PCDHGA5: variants seen among roughly 807,000 people sequenced by gnomAD.
PCDHGA5 encodes protocadherin gamma subfamily A, 5, also known as protocadherin gamma-A5.
Under a neutral mutation model 56.7 loss-of-function variants are expected in PCDHGA5, and 36 were observed. The ratio of observed to expected loss-of-function variants is 0.64; its 90% CI spans 0.49 to 0.84. The LOEUF (loss-of-function observed/expected upper bound fraction) is 0.84, where lower values mean the gene tolerates loss of function less well. Ranked by LOEUF, PCDHGA5 falls within the 40% of genes least tolerant of loss-of-function variation. The pLI is 0.00. For missense variants in PCDHGA5, 1,305 were observed against 1,201.5 expected (o/e 1.09, Z -1.27); for synonymous variants, 563 against 520.2 (o/e 1.08, Z -1.12).
intron 1 of PCDHGA5, chr5:141,398,772 G>A: frequency 6.2e-7 from 1 of 1,613,910 alleles, no homozygotes; most frequent in South Asian, 1.1e-5. Flanking sequence ...TGACTGCCTT[G>A]GACGGTGGAC....
chr5:141,415,071 G>C (rs757356726), intron 1 of PCDHGA5: 5 of 1,613,422 alleles, frequency 3.1e-6, no homozygotes, highest in Non-Finnish European at 1.7e-6. Context: ...AGGTGCGCAC[G>C]GCGCGAGCCC....
At position 141,485,968 on chromosome 5, in the gene PCDHGA5, T is replaced by C; in HGVS notation, c.2422-8839T>C. On this transcript the variant is annotated intron_variant, in intron 1 of 3. Coordinates refer to ENST00000518069, the MANE Select transcript of PCDHGA5 (RefSeq NM_018918.3). The surrounding 1 kb of genome is among the most constrained non-coding windows in gnomAD (Gnocchi z 5.7). The stretch of plus-strand genomic sequence containing the variant: ...CGGGCATGGTGCTCATCCAGCTCAA[T>C]GCCTCAGACCCGGACCTGGGTCCCA... 6.2e-7 allele frequency: 1 copy of C among 1,614,216 alleles called. No homozygotes were observed. The highest frequency in any genetic ancestry group is 1.1e-5 in the South Asian group (1 of 91,088).
At position 141,489,298 on chromosome 5, in the gene PCDHGA5, T is replaced by C; in HGVS notation, c.2422-5509T>C. On this transcript the variant is annotated intron_variant, in intron 1 of 3. Transcript: ENST00000518069. This position sits in a 1 kb window ranked among gnomAD's most constrained non-coding sequence, Gnocchi z 4.5. ...GAAATGGCAAGTGCTGTGCATGTTG[T>C]CCTTGTGCTGCTGGGGCTGGGTGTC... The C allele has an allele frequency of 6.3e-7, 1 of 1,584,418 alleles. No individual in the cohort carries two copies. The highest frequency in any genetic ancestry group is 8.6e-7 in the Non-Finnish European group (1 of 1,165,192).
chr5:141,445,035 T>C (rs1438748354), intron 1 of PCDHGA5, among the ~76,000 whole-genome samples: 1 of 152,208 alleles, frequency 6.6e-6, no homozygotes, highest in Admixed American at 6.5e-5. Flanking sequence ...CTATGTTGTA[T>C]AGTTTTCAGT....
intron 1 of PCDHGA5, among the ~76,000 whole-genome samples, chr5:141,454,261 A>T (rs183133499): frequency 1.3e-5 from 2 of 152,364 alleles, no homozygotes; most frequent in South Asian, 2.1e-4. Flanking sequence ...CAGAGAAAGT[A>T]ATGCCAGCAA....
chr5:141,443,207 C>T (rs907169095), intron 1 of PCDHGA5, among the ~76,000 whole-genome samples: 5 of 152,064 alleles, frequency 3.3e-5, no homozygotes, highest in African/African-American at 1.2e-4. Context: ...AAGAGCTTGT[C>T]TCGCCAGGCG....
At chr5:141,419,137 C>T (rs764281503) in intron 1 of PCDHGA5, 1 of 1,613,892 alleles carries the variant, frequency 6.2e-7, no homozygotes, top group Non-Finnish European at 8.5e-7. Flanking sequence ...CAGCCACAGA[C>T]AGGGGCAAGC....
intron 1 of PCDHGA5, chr5:141,418,539 A>C (rs984639830): frequency 6.2e-7 from 1 of 1,614,034 alleles, no homozygotes; most frequent in East Asian, 2.2e-5. Flanking sequence ...GGTACTGCTC[A>C]GATAAGAATC....
intron 1 of PCDHGA5, among the ~76,000 whole-genome samples, chr5:141,472,042 T>C (rs2099270232): frequency 2.0e-5 from 3 of 152,146 alleles, no homozygotes; most frequent in African/African-American, 7.2e-5. Context: ...TGTGAAAAGA[T>C]TTTAAAAATG....
At chr5:141,488,183 T>C (rs1249953031) in intron 1 of PCDHGA5, among the ~76,000 whole-genome samples, 1 of 152,148 alleles carries the variant, frequency 6.6e-6, no homozygotes, top group Non-Finnish European at 1.5e-5. Flanking sequence ...CATAGATCTT[T>C]TGGTCTGGGT....
In PCDHGA5 at chr5:141,489,537, C is replaced by T. The variant is rs2099688580; in HGVS notation, c.2422-5270C>T. 6.2e-6 allele frequency: 10 copies of T among 1,614,118 alleles called. No homozygotes were observed. Among genetic ancestry groups the T allele is most frequent in the Non-Finnish European group, 8.5e-6 (10 of 1,180,028 alleles). ...ACCGAGAAAGCCTATGTGGAGCCAG[C>T]ACCAGCTGCCTGCTGCCAGTGCAGG... On this transcript the variant is annotated intron_variant, in intron 1 of 3. Transcript: ENST00000518069. This position sits in a 1 kb window ranked among gnomAD's most constrained non-coding sequence, Gnocchi z 4.5.
In PCDHGA5 at chr5:141,476,477, G is replaced by T. The variant is rs768824553; in HGVS notation, c.2422-18330G>T. The T allele has an allele frequency of 1.9e-6, 3 of 1,614,078 alleles. No homozygotes were observed. The highest frequency in any genetic ancestry group is 1.7e-5 in the Admixed American group (1 of 60,016). Reference sequence around the variant, plus strand: ...GGAGAACCCGCTGGAGCTGTTCAGCGTGGAAGTGGTGATCCAGGACATCAA... The same window carrying T: ...GGAGAACCCGCTGGAGCTGTTCAGCTTGGAAGTGGTGATCCAGGACATCAA... On this transcript the variant is annotated intron_variant, in intron 1 of 3. Coordinates refer to ENST00000518069, the MANE Select transcript of PCDHGA5 (RefSeq NM_018918.3). This position sits in a 1 kb window ranked among gnomAD's most constrained non-coding sequence, Gnocchi z 7.6.
At chr5:141,420,245 G>A (rs72790042) in intron 1 of PCDHGA5, 83,459 of 1,583,130 alleles carry the variant, frequency 0.053, 2,452 homozygotes, top group African/African-American at 0.1. Context: ...AACTCCCAGC[G>A]TTGAAGCAGA....
rs1419819549 is a variant in PCDHGA5 at position 141,405,132 on chromosome 5, C to T, written c.2421+38381C>T. ...TGGCACTCCTCGCATCTGCTGCGGG[C>T]TACCAGTGATGGGTTGGCTGGTGTG... On this transcript the variant is annotated intron_variant, in intron 1 of 3. Transcript: ENST00000518069. 2 of 1,614,032 alleles carry T rather than the reference C, an allele frequency of 1.2e-6. No individual in the cohort carries two copies. Among genetic ancestry groups the T allele is most frequent in the East Asian group, 4.5e-5 (2 of 44,860 alleles).
intron 1 of PCDHGA5, chr5:141,424,475 T>C (rs1399874639): frequency 2.6e-5 from 4 of 152,234 alleles, no homozygotes; most frequent in Admixed American, 2.0e-4. Context: ...ATTCTTTTAC[T>C]TTGGTGTCTG....
Position 141,485,627 on chromosome 5 carries a change from T to C in PCDHGA5, c.2422-9180T>C. 3 of 1,612,072 alleles carry C rather than the reference T, an allele frequency of 1.9e-6. No individual in the cohort carries two copies. Among genetic ancestry groups the C allele is most frequent in the Non-Finnish European group, 2.5e-6 (3 of 1,178,530 alleles). On this transcript the variant is annotated intron_variant, in intron 1 of 3. Transcript: ENST00000518069. This position sits in a 1 kb window ranked among gnomAD's most constrained non-coding sequence, Gnocchi z 5.7. ...GGAGGCAGCTCCTCCAGGACAGCGT[T>C]TCCCGTTGGAAAAGGCTCAGGATGC...
At position 141,478,736 on chromosome 5, in the gene PCDHGA5, T is replaced by G; in HGVS notation, c.2422-16071T>G. On this transcript the variant is annotated intron_variant, in intron 1 of 3. Coordinates refer to ENST00000518069, the MANE Select transcript of PCDHGA5 (RefSeq NM_018918.3). Reference sequence around the variant, plus strand: ...TGGTGGCCTGCCAGAGTGTGGTTTGTGGTCCCATTTCAGGGGGAAGATACT... The same window carrying G: ...TGGTGGCCTGCCAGAGTGTGGTTTGGGGTCCCATTTCAGGGGGAAGATACT... 5 of 1,534,796 alleles carry G rather than the reference T, an allele frequency of 3.3e-6. No homozygotes were observed. In the South Asian group the frequency reaches 6.2e-5, roughly 19 times the overall value.
intron 1 of PCDHGA5, chr5:141,379,151 G>A (rs1015357697): frequency 4.6e-5 from 7 of 152,166 alleles, no homozygotes; most frequent in Admixed American, 6.5e-5. Flanking sequence ...TTTGTAACCT[G>A]ACTTTGTCAG....
chr5:141,394,128 GC>G, intron 1 of PCDHGA5: 4 of 1,613,730 alleles, frequency 2.5e-6, no homozygotes, highest in Non-Finnish European at 3.4e-6. Context: ...AACTCAAATC[GC>G]TCTGCACGTG....
Sources: gnomAD v4.1 joint callset for allele counts (sites outside exome capture counted in the v4.1 genomes callset) on GRCh38, gnomAD v4.1.1 for gene constraint, Gnocchi (gnomAD v3.1) non-coding constraint, MANE v1.5 for transcripts, NCBI Gene and HGNC (gene_info 2026-07-23, HGNC 2026-07-21) for gene names.